ATRX: variants seen among roughly 807,000 people sequenced by gnomAD.
The protein encoded by ATRX is chromatin remodeler ATRX.
Under a neutral mutation model 172.6 loss-of-function variants are expected in ATRX, and 12 were observed. That is an observed-to-expected ratio of 0.07 (90% confidence interval 0.04 to 0.11). The LOEUF (loss-of-function observed/expected upper bound fraction) is 0.11. Among genes scored for constraint, ATRX ranks in the 10% least tolerant of loss-of-function variants. The pLI is 1.00. For synonymous variants in ATRX, 674 were observed against 594.7 expected (o/e 1.13, Z -1.94); for missense variants, 1,368 against 1,767.4 (o/e 0.77, Z 4.05).
At chrX:77,676,832 C>G (rs2070892523) in intron 9 of ATRX, among the ~76,000 whole-genome samples, 1 of 112,300 alleles carries the variant, frequency 8.9e-6, no homozygotes, top group South Asian at 3.6e-4. Context: ...GATTAAAAAT[C>G]TAAAGAGGGC....
chrX:77,733,747 G>A (rs1428357162), intron 1 of ATRX, among the ~76,000 whole-genome samples: 6 of 104,152 alleles, frequency 5.8e-5, no homozygotes, highest in Non-Finnish European at 9.8e-5. Context: ...AGCCAGCCAT[G>A]GTGGCAGGCA....
intron 34 of ATRX, among the ~76,000 whole-genome samples, chrX:77,517,138 C>T (rs1466835757): frequency 9.3e-6 from 1 of 107,171 alleles, no homozygotes; most frequent in African/African-American, 3.4e-5. Context: ...AAAAAAAAAA[C>T]AAACACCTAC....
intron 1 of ATRX, among the ~76,000 whole-genome samples, chrX:77,738,558 CTTTTTTT>C (rs781834798): frequency 1.3e-3 from 99 of 73,527 alleles, no homozygotes; most frequent in Middle Eastern, 0.014. Flanking sequence ...TCTTTTGTGT[CTTTTTTT>C]TTTTTTTTTT....
intron 30 of ATRX, among the ~76,000 whole-genome samples, chrX:77,525,765 G>GT (rs2063360430): frequency 9.0e-6 from 1 of 111,597 alleles, no homozygotes. Flanking sequence ...GCTCACGTGT[G>GT]TAACAGGATG....
At chrX:77,643,956 T>C (rs1174811284) in intron 15 of ATRX, among the ~76,000 whole-genome samples, 4 of 111,149 alleles carry the variant, frequency 3.6e-5, no homozygotes, top group African/African-American at 1.3e-4. Context: ...CTTTTATTTT[T>C]TGAGATGGAG....
At chrX:77,755,125 T>C (rs2075441141) in intron 1 of ATRX, among the ~76,000 whole-genome samples, 1 of 112,858 alleles carries the variant, frequency 8.9e-6, no homozygotes, top group African/African-American at 3.2e-5. Flanking sequence ...CTTCAGCGAT[T>C]TGACTATTGA....
At chrX:77,677,991 G>A (rs782444826) in intron 9 of ATRX, among the ~76,000 whole-genome samples, 1 of 111,108 alleles carries the variant, frequency 9.0e-6, no homozygotes, top group Non-Finnish European at 1.9e-5. Context: ...CGGATCACTT[G>A]AGGTCAGGAG....
At chrX:77,729,019 C>G (rs2074178517) in intron 1 of ATRX, among the ~76,000 whole-genome samples, 1 of 106,415 alleles carries the variant, frequency 9.4e-6, no homozygotes, top group Admixed American at 1.0e-4. Context: ...CTCAGCCTCC[C>G]AAAGTGCTGG....
At chrX:77,677,665 A>AT (rs10710622) in intron 9 of ATRX, among the ~76,000 whole-genome samples, 50,497 of 98,529 alleles carry the variant, frequency 0.51, 12,061 homozygotes, top group Non-Finnish European at 0.68. Context: ...ACCTCCCTGT[A>AT]TTTTTTTTTT....
intron 14 of ATRX, 112 bp from the exon 15 acceptor site, chrX:77,652,465 C>A: frequency 6.4e-6 from 4 of 624,432 alleles, no homozygotes; most frequent in Non-Finnish European, 6.8e-6. Flanking sequence ...TGCTGAAAAC[C>A]TTTAGAATTA....
At chrX:77,599,089 T>C (rs2066569679) in intron 25 of ATRX, among the ~76,000 whole-genome samples, 1 of 112,143 alleles carries the variant, frequency 8.9e-6, no homozygotes, top group South Asian at 3.7e-4. Flanking sequence ...TTTTTAAAAC[T>C]ATCAACTACA....
At position 77,682,303 on chromosome X, in the gene ATRX, T is replaced by C. The variant is rs782424160; in HGVS notation, c.2953A>G (p.Ser985Gly). 3 of 1,200,375 alleles carry C rather than the reference T, an allele frequency of 2.5e-6. No individual in the cohort carries two copies. In the African/African-American group the frequency reaches 5.3e-5, roughly 21 times the overall value. ...TTTTTTTCTTCAGTTCCCTTTTTGC[T>C]CTGCTTTTTATCATCTTCAGAAGTT... is the stretch of plus-strand genomic sequence containing the variant. The part of the protein sequence containing the change: ...DETSEDDKKQ[S>G]KKGTEEKKKP... The change falls in exon 9 of 35, where the codon AGC (serine) becomes GGC (glycine). Residue 985 changes from serine (S) to glycine (G), a missense_variant. This residue lies in a region of ATRX where 843 missense variants were observed against 643.1 expected (regional missense o/e 1.31). Transcript: ENST00000373344.
At chrX:77,617,018 A>G (rs1457918566) in intron 21 of ATRX, among the ~76,000 whole-genome samples, 1 of 111,291 alleles carries the variant, frequency 9.0e-6, no homozygotes, top group Non-Finnish European at 1.9e-5. Flanking sequence ...AGTTTTCAAA[A>G]TAGTCTTCTC....
At chrX:77,613,938 C>A in intron 22 of ATRX, among the ~76,000 whole-genome samples, 1 of 110,843 alleles carries the variant, frequency 9.0e-6, no homozygotes, top group African/African-American at 3.3e-5. Context: ...TGATACCTGA[C>A]AATAAAAGGC....
chrX:77,563,767 G>A (rs908749591), intron 28 of ATRX, among the ~76,000 whole-genome samples: 1 of 108,592 alleles, frequency 9.2e-6, no homozygotes, highest in African/African-American at 3.4e-5. Flanking sequence ...TAGCCTCACT[G>A]TGATTATGGA....
At chrX:77,545,843 T>C (rs1347063505) in intron 30 of ATRX, among the ~76,000 whole-genome samples, 1 of 111,510 alleles carries the variant, frequency 9.0e-6, no homozygotes, top group Non-Finnish European at 1.9e-5. Flanking sequence ...ATTCAAACCC[T>C]GGTCTTGCCC....
chrX:77,681,466 G>A (rs2148565082), intron 9 of ATRX, 54 bp downstream of exon 9: 3 of 1,107,308 alleles, frequency 2.7e-6, no homozygotes, highest in Non-Finnish European at 3.7e-6. Context: ...AAACAATGTA[G>A]TAACTCAAGA....
chrX:77,689,810 TAA>T (rs1246391499), intron 6 of ATRX, among the ~76,000 whole-genome samples: 1 of 112,167 alleles, frequency 8.9e-6, no homozygotes, highest in African/African-American at 3.2e-5. Flanking sequence ...GGCATTTTCT[TAA>T]AGTTTCAAAG....
chrX:77,701,645 G>A (rs1365981115), intron 2 of ATRX, among the ~76,000 whole-genome samples: 1 of 111,703 alleles, frequency 9.0e-6, no homozygotes, highest in African/African-American at 3.2e-5. Flanking sequence ...CTTAAGATCA[G>A]GAACAAGGCA....
Sources: allele counts gnomAD v4.1 joint callset (sites outside exome capture counted in the v4.1 genomes callset), GRCh38; gene constraint gnomAD v4.1.1; regional missense constraint gnomAD v4.1.1; transcripts MANE v1.5; gene names NCBI Gene and HGNC (gene_info 2026-07-23, HGNC 2026-07-21).